CNTNAP2: variants seen among roughly 807,000 people sequenced by gnomAD.
CNTNAP2 encodes contactin associated protein 2.
Under a neutral mutation model 155.2 loss-of-function variants are expected in CNTNAP2, and 98 were observed. That is an observed-to-expected ratio of 0.63 (90% CI 0.54 to 0.75). CNTNAP2 has a LOEUF of 0.75. CNTNAP2 is among the 30% of genes least tolerant of loss of function. The pLI is 0.00. For missense variants in CNTNAP2, 1,727 were observed against 1,688.1 expected (o/e 1.02, Z -0.40); for synonymous variants, 651 against 631.2 (o/e 1.03, Z -0.47).
At chr7:146,397,781 A>G (rs1406981699) in intron 1 of CNTNAP2, among the ~76,000 whole-genome samples, 2 of 152,208 alleles carry the variant, frequency 1.3e-5, no homozygotes, top group Non-Finnish European at 1.5e-5. Flanking sequence ...CCAAAAGAGA[A>G]AGAACAAAAT....
In CNTNAP2 at chr7:147,467,572, C is replaced by A. The variant is rs114699104; in HGVS notation, c.1671-18363C>A. ...GGAAGTATTGAAAGGTCACCTGTTG[C>A]GTACAATGCTCACCATTTGGGCGAC... On this transcript the variant is annotated intron_variant, in intron 10 of 23. Transcript: ENST00000361727. Among the ~76,000 whole-genome samples, 1,016 of 152,254 alleles carry A rather than the reference C, an allele frequency of 6.7e-3. 10 individuals carry two copies. The highest frequency in any genetic ancestry group is 0.023 in the African/African-American group (951 of 41,540).
intron 9 of CNTNAP2, among the ~76,000 whole-genome samples, chr7:147,381,907 T>C (rs77510734): frequency 0.02 from 3,095 of 152,064 alleles, 104 homozygotes; most frequent in African/African-American, 0.07. Flanking sequence ...TAACACAATA[T>C]AGTTATTATA....
In CNTNAP2 at chr7:146,943,334, A is replaced by T. The variant is rs192416568; in HGVS notation, c.403-100573A>T. 1.5e-3 allele frequency among the ~76,000 whole-genome samples: 236 copies of T among 152,294 alleles called. 2 individuals are homozygous for T. The highest frequency in any genetic ancestry group is 5.1e-3 in the African/African-American group (214 of 41,572). ...TGGCGAAATCCTGTCTCTACTAAAA[A>T]TACAAAAATTAGCCGGGTGTGGTGG... On this transcript the variant is annotated intron_variant, in intron 3 of 23. Transcript: ENST00000361727.
At chr7:146,340,339 T>C (rs1233045815) in intron 1 of CNTNAP2, among the ~76,000 whole-genome samples, 6 of 149,776 alleles carry the variant, frequency 4.0e-5, no homozygotes, top group Admixed American at 3.3e-4. Flanking sequence ...TCTAATACTT[T>C]TCAAAGTTTT....
intron 8 of CNTNAP2, among the ~76,000 whole-genome samples, chr7:147,293,925 G>T (rs1299013952): frequency 2.0e-5 from 3 of 152,112 alleles, no homozygotes; most frequent in African/African-American, 7.2e-5. Flanking sequence ...AAATGAGAAG[G>T]TGCTGTAATA....
intron 21 of CNTNAP2, among the ~76,000 whole-genome samples, chr7:148,368,943 G>A (rs939955943): frequency 1.3e-5 from 2 of 152,104 alleles, no homozygotes; most frequent in Admixed American, 6.5e-5. Context: ...GCCCAGGCCT[G>A]GTTTCGGGTC....
At chr7:146,373,215 C>T (rs1026777761) in intron 1 of CNTNAP2, among the ~76,000 whole-genome samples, 8 of 152,124 alleles carry the variant, frequency 5.3e-5, no homozygotes, top group East Asian at 3.9e-4. Context: ...AACTAACTAA[C>T]GTTTACAACC....
At chr7:146,671,292 G>T (rs912020729) in intron 1 of CNTNAP2, among the ~76,000 whole-genome samples, 3 of 152,054 alleles carry the variant, frequency 2.0e-5, no homozygotes, top group Non-Finnish European at 4.4e-5. Flanking sequence ...CCTAGACTTT[G>T]GAAAGGAATG....
chr7:147,561,340 T>C (rs6946710), intron 11 of CNTNAP2, among the ~76,000 whole-genome samples: 71,356 of 151,782 alleles, frequency 0.47, 16,943 homozygotes, highest in East Asian at 0.61. Context: ...CTTCATTAAT[T>C]CCTGGGCAGA....
intron 8 of CNTNAP2, among the ~76,000 whole-genome samples, chr7:147,192,427 A>T (rs1802699417): frequency 2.0e-5 from 3 of 152,108 alleles, no homozygotes; most frequent in Non-Finnish European, 4.4e-5. Context: ...CTACTTCTAT[A>T]TTCTGATCCA....
chr7:148,404,216 G>A (rs1199753136), intron 22 of CNTNAP2, among the ~76,000 whole-genome samples: 1 of 152,228 alleles, frequency 6.6e-6, no homozygotes, highest in Admixed American at 6.5e-5. Flanking sequence ...GTTAGTCACT[G>A]GAACTGCAAA....
chr7:146,176,971 A>G (rs1363177713), intron 1 of CNTNAP2, among the ~76,000 whole-genome samples: 2 of 152,166 alleles, frequency 1.3e-5, no homozygotes, highest in African/African-American at 2.4e-5. Context: ...GGGACAGAAT[A>G]GTTGCTTTGA....
intron 1 of CNTNAP2, among the ~76,000 whole-genome samples, chr7:146,289,410 T>C (rs1025364169): frequency 3.3e-5 from 5 of 152,204 alleles, no homozygotes; most frequent in Admixed American, 1.3e-4. Context: ...TAACAGACAA[T>C]GAAAATATTG....
intron 15 of CNTNAP2, among the ~76,000 whole-genome samples, chr7:148,032,108 C>T (rs913418731): frequency 6.6e-6 from 1 of 152,162 alleles, no homozygotes. Flanking sequence ...CCCTAAACAT[C>T]TAACTTAATG....
At chr7:147,965,599 C>A (rs771548635) in intron 14 of CNTNAP2, among the ~76,000 whole-genome samples, 7 of 151,550 alleles carry the variant, frequency 4.6e-5, no homozygotes, top group Non-Finnish European at 7.4e-5. Context: ...CATAATATAC[C>A]ACCTCACTCC....
At chr7:147,714,777 A>T (rs988637456) in intron 13 of CNTNAP2, among the ~76,000 whole-genome samples, 5 of 151,738 alleles carry the variant, frequency 3.3e-5, no homozygotes, top group Admixed American at 2.0e-4. Flanking sequence ...ACTAATCAAG[A>T]TATTTAACTG....
At chr7:148,132,123 A>G (rs1420186495) in intron 16 of CNTNAP2, among the ~76,000 whole-genome samples, 1 of 152,214 alleles carries the variant, frequency 6.6e-6, no homozygotes, top group East Asian at 1.9e-4. Context: ...AAAAATTTTA[A>G]AACATGTTTT....
chr7:146,770,403 C>T (rs1802273943), intron 1 of CNTNAP2, among the ~76,000 whole-genome samples: 1 of 151,246 alleles, frequency 6.6e-6, no homozygotes, highest in African/African-American at 2.4e-5. Flanking sequence ...AGTGTAAGAT[C>T]TCAATAAATA....
intron 12 of CNTNAP2, among the ~76,000 whole-genome samples, chr7:147,600,136 C>A (rs544271183): frequency 6.6e-6 from 1 of 152,172 alleles, no homozygotes. Flanking sequence ...TGGTCATGGG[C>A]GTGTTAAATC....
Sources: gnomAD v4.1 joint callset for allele counts (sites outside exome capture counted in the v4.1 genomes callset) on GRCh38, gnomAD v4.1.1 for gene constraint, MANE v1.5 for transcripts, NCBI Gene and HGNC (gene_info 2026-07-23, HGNC 2026-07-21) for gene names.